PRPF3: variants seen among roughly 807,000 people sequenced by gnomAD.
PRPF3 encodes U4/U6 small nuclear ribonucleoprotein Prp3.
A neutral mutation model predicts 89.2 loss-of-function variants in PRPF3; 3 were observed. The ratio of observed to expected loss-of-function variants is 0.03; its 90% confidence interval spans 0.02 to 0.09. The LOEUF is 0.09. Ranked by LOEUF, PRPF3 falls within the 10% of genes least tolerant of loss-of-function variation. The probability of loss-of-function intolerance (pLI) is 1.00; values close to 1 mark genes in which losing one functional copy is unlikely to be tolerated. For missense variants in PRPF3, 463 were observed against 828.8 expected (o/e 0.56, Z 5.42); for synonymous variants, 270 against 289.1 (o/e 0.93, Z 0.67).
intron 4 of PRPF3, among the ~76,000 whole-genome samples, chr1:150,329,064 CTG>C (rs149074164): frequency 0.09 from 12,094 of 133,946 alleles, 652 homozygotes; most frequent in Non-Finnish European, 0.13. Flanking sequence ...GAGTTTCACT[CTG>C]TTGCCCATGC....
At chr1:150,351,540 G>T (rs1187400261) in intron 15 of PRPF3, among the ~76,000 whole-genome samples, 1 of 151,072 alleles carries the variant, frequency 6.6e-6, no homozygotes, top group Non-Finnish European at 1.5e-5. Flanking sequence ...TTGCTCTATT[G>T]CTCAGGCTGG....
In PRPF3 at chr1:150,340,561, A is replaced by G. The variant is rs587730226; in HGVS notation, c.1282+84A>G. ...ACAGTGAGGAACATGTTCTGTATCT[A>G]TGCTGTTCAATACAATAGCCACTAC... On this transcript the variant is annotated intron_variant, in intron 9 of 15. Coordinates refer to ENST00000324862, the MANE Select transcript of PRPF3 (RefSeq NM_004698.4). 55 of 1,043,180 alleles carry G rather than the reference A, an allele frequency of 5.3e-5. No homozygotes were observed. In the African/African-American group the frequency reaches 7.5e-4, roughly 14 times the overall value. 64.6% of individuals were successfully genotyped at this position (1,043,180 alleles called of 1,614,324 possible).
chr1:150,334,800 C>G (rs587757157), intron 6 of PRPF3, 135 bp from the exon 7 acceptor site: 2 of 1,048,754 alleles, frequency 1.9e-6, no homozygotes, highest in African/African-American at 3.2e-5. Flanking sequence ...AACTCCTGGG[C>G]TCAAGTGATC....
At chr1:150,338,356 AAC>A in intron 8 of PRPF3, 30 bp downstream of exon 8, 1 of 1,603,256 alleles carries the variant, frequency 6.2e-7, no homozygotes, top group Non-Finnish European at 8.5e-7. Flanking sequence ...TTTTTAAAAA[AAC>A]AGTTTTTAAT....
At chr1:150,334,601 T>G (rs1553866721) in intron 6 of PRPF3, among the ~76,000 whole-genome samples, 1 of 151,576 alleles carries the variant, frequency 6.6e-6, no homozygotes, top group Non-Finnish European at 1.5e-5. Context: ...GGGATTACAG[T>G]GTGAGCCACC....
chr1:150,350,449 T>A (rs1214689709), intron 15 of PRPF3, among the ~76,000 whole-genome samples: 1 of 144,928 alleles, frequency 6.9e-6, no homozygotes, highest in African/African-American at 2.6e-5. Flanking sequence ...CCGACTGCCT[T>A]GGCCTCCCAA....
At chr1:150,343,519 C>G (rs1192973107) in intron 10 of PRPF3, 67 bp downstream of exon 10, 2 of 1,570,920 alleles carry the variant, frequency 1.3e-6, no homozygotes, top group Admixed American at 3.4e-5. Context: ...CCTGGAGGAA[C>G]TTTAACATCT....
At chr1:150,341,442 G>A (rs72696828) in intron 9 of PRPF3, among the ~76,000 whole-genome samples, 11,805 of 115,850 alleles carry the variant, frequency 0.1, 649 homozygotes, top group Middle Eastern at 0.14. Flanking sequence ...TTTCGCTCTT[G>A]TGGTCCAGGC....
At chr1:150,322,888 T>TTC (rs1553862531) in intron 1 of PRPF3, among the ~76,000 whole-genome samples, 36 of 151,058 alleles carry the variant, frequency 2.4e-4, no homozygotes, top group Non-Finnish European at 4.6e-4. Context: ...TTTTTTTTTT[T>TTC]CCCCGGGACG....
intron 7 of PRPF3, among the ~76,000 whole-genome samples, chr1:150,337,662 C>T (rs1269778334): frequency 6.6e-6 from 1 of 151,374 alleles, no homozygotes; most frequent in African/African-American, 2.4e-5. Context: ...CCTGTAGTCC[C>T]AGCTACTCGG....
chr1:150,334,607 C>T (rs1034665497), intron 6 of PRPF3, among the ~76,000 whole-genome samples: 6 of 152,000 alleles, frequency 3.9e-5, no homozygotes, highest in Non-Finnish European at 8.8e-5. Flanking sequence ...ACAGTGTGAG[C>T]CACCACACCC....
chr1:150,329,531 G>A (rs1235389085), intron 4 of PRPF3, among the ~76,000 whole-genome samples: 2 of 152,120 alleles, frequency 1.3e-5, no homozygotes, highest in Non-Finnish European at 2.9e-5. Flanking sequence ...TGACAGAGGA[G>A]ACTCTCCAAA....
intron 15 of PRPF3, among the ~76,000 whole-genome samples, chr1:150,351,387 G>A (rs969160290): frequency 1.3e-5 from 2 of 151,982 alleles, no homozygotes; most frequent in Non-Finnish European, 2.9e-5. Flanking sequence ...AGGTTTTCAT[G>A]TATCCTGCCT....
chr1:150,344,934 A>G (rs1658131381), intron 12 of PRPF3, among the ~76,000 whole-genome samples: 2 of 151,500 alleles, frequency 1.3e-5, no homozygotes, highest in African/African-American at 4.9e-5. Flanking sequence ...CATCCATGGA[A>G]GCATTACAAA....
At chr1:150,321,979 C>T (rs1655096737) in intron 1 of PRPF3, among the ~76,000 whole-genome samples, 1 of 152,196 alleles carries the variant, frequency 6.6e-6, no homozygotes, top group Admixed American at 6.6e-5. Context: ...CTGCTGCCTG[C>T]TCATTGAGAG....
In PRPF3 at chr1:150,338,225, G is replaced by A. The variant is rs143858139; in HGVS notation, c.1101G>A (p.Ser367=). The part of the protein sequence containing the change: ...QAARKTGIHT[S]TRLALIAPKK... The stretch of plus-strand genomic sequence containing the variant: ...CTCGAAAAACAGGCATCCATACTTC[G>A]ACTAGGCTTGCCCTCATTGCTCCTA... The change falls in exon 8 of 16, where the codon TCG becomes TCA. Residue 367 remains serine, a synonymous_variant. Coordinates refer to ENST00000324862, the MANE Select transcript of PRPF3 (RefSeq NM_004698.4). 1.8e-5 allele frequency: 29 copies of A among 1,613,968 alleles called. No individual in the cohort carries two copies. Among genetic ancestry groups the A allele is most frequent in the Non-Finnish European group, 2.4e-5 (28 of 1,180,028 alleles).
In PRPF3 at chr1:150,325,008, C is replaced by A; in HGVS notation, c.66C>A (p.Val22=). The change falls in exon 2 of 16, where the codon GTC becomes GTA. Residue 22 remains valine, a synonymous_variant. Coordinates refer to ENST00000324862, the MANE Select transcript of PRPF3 (RefSeq NM_004698.4). Reference sequence around the variant, plus strand: ...GGATAGAGAAGACAGTGAAGAGGGTCCTGGGTTTCTCAGAGCCTACGGTGG... The same window carrying A: ...GGATAGAGAAGACAGTGAAGAGGGTACTGGGTTTCTCAGAGCCTACGGTGG... ...KPWIEKTVKR[V]LGFSEPTVVT... 1 of 1,613,566 alleles carries A rather than the reference C, an allele frequency of 6.2e-7. No individual in the cohort carries two copies. The highest frequency in any genetic ancestry group is 8.5e-7 in the Non-Finnish European group (1 of 1,179,878).
At chr1:150,342,868 T>G (rs912304818) in intron 9 of PRPF3, among the ~76,000 whole-genome samples, 4 of 152,082 alleles carry the variant, frequency 2.6e-5, no homozygotes, top group Non-Finnish European at 5.9e-5. Flanking sequence ...TGGGTCTCAC[T>G]TGGTTGTCCA....
intron 6 of PRPF3, among the ~76,000 whole-genome samples, chr1:150,333,496 G>A (rs1381795528): frequency 1.3e-5 from 2 of 152,146 alleles, no homozygotes; most frequent in Admixed American, 1.3e-4. Flanking sequence ...GAACACAGGA[G>A]GCAGAGGTTG....
Sources: gnomAD v4.1 joint callset for allele counts (sites outside exome capture counted in the v4.1 genomes callset) on GRCh38, gnomAD v4.1.1 for gene constraint, MANE v1.5 for transcripts, NCBI Gene and HGNC (gene_info 2026-07-23, HGNC 2026-07-21) for gene names.